The following ASPM variants were observed in gnomAD, a reference collection of about 807,000 sequenced individuals.
ASPM encodes the protein abnormal spindle-like microcephaly-associated protein.
Under a neutral mutation model 366.4 loss-of-function variants are expected in ASPM, and 256 were observed. That is an observed-to-expected ratio of 0.70 (90% confidence interval 0.63 to 0.77). The LOEUF is 0.77. Ranked by LOEUF, ASPM falls within the 30% of genes least tolerant of loss-of-function variation. ASPM has a pLI of 0.00. For synonymous variants in ASPM, 1,414 were observed against 1,342.9 expected (o/e 1.05, Z -1.16); for missense variants, 4,146 against 4,090.4 (o/e 1.01, Z -0.37).
At position 197,128,784 on chromosome 1, in the gene ASPM, T is replaced by G. The variant is rs559465526; in HGVS notation, c.2761-119A>C. 1,794 of 845,362 alleles carry G rather than the reference T, an allele frequency of 2.1e-3. 10 individuals carry two copies. Among genetic ancestry groups the G allele is most frequent in the Middle Eastern group, 8.3e-3 (23 of 2,762 alleles). 52.4% of individuals were successfully genotyped at this position (845,362 alleles called of 1,614,324 possible). ...ATAAAATAATATAAAAAGTTTCATA[T>G]TATACATTAATAATGCAAACTTCAT... is the stretch of plus-strand genomic sequence containing the variant. On this transcript the variant is annotated intron_variant, in intron 9 of 27. Transcript: ENST00000367409.
At chr1:197,097,078 C>T (rs1656995504) in intron 18 of ASPM, among the ~76,000 whole-genome samples, 1 of 151,646 alleles carries the variant, frequency 6.6e-6, no homozygotes, top group East Asian at 2.0e-4. Context: ...AACCCAATTC[C>T]CCTTGGGAAG....
chr1:197,102,682 T>C lies in ASPM; in HGVS notation c.6569A>G (p.Gln2190Arg), dbSNP rs1381563702. The C allele has an allele frequency of 1.2e-6, 2 of 1,612,658 alleles. No individual in the cohort carries two copies. The change falls in exon 18 of 28, where the codon CAG becomes CGG. Residue 2190 changes from glutamine (Q) to arginine (R), a missense_variant. Physicochemically the swap from Gln to Arg is conservative, Grantham distance 43 (BLOSUM62 1). Coordinates refer to ENST00000367409, the MANE Select transcript of ASPM (RefSeq NM_018136.5). ...VRVRRTLRKMQTAATLIQSNY... is the reference protein window; with the variant it reads ...VRVRRTLRKMRTAATLIQSNY... ...TGACTGAATGAGTGTTGCTGCAGTCTGCATCTTTCTAAGAGTCCGTCTAAC... is the reference window on the plus strand; with the variant it reads ...TGACTGAATGAGTGTTGCTGCAGTCCGCATCTTTCTAAGAGTCCGTCTAAC...
intron 17 of ASPM, among the ~76,000 whole-genome samples, chr1:197,111,072 A>C (rs1161603733): frequency 1.3e-5 from 2 of 151,992 alleles, no homozygotes; most frequent in Admixed American, 6.6e-5. Flanking sequence ...TGCAACAAAA[A>C]ACATAATTGA....
Position 197,135,008 on chromosome 1 carries a change from CTATG to C in ASPM, c.2173+84_2173+87del, listed in dbSNP as rs2125110274. The C allele has an allele frequency of 3.2e-6, 3 of 945,024 alleles. No individual in the cohort carries two copies. In the Admixed American group the frequency reaches 8.2e-5, roughly 26 times the overall value. 58.5% of individuals were successfully genotyped at this position (945,024 alleles called of 1,614,324 possible). A position where few individuals can be genotyped will look rare whatever the true frequency, so the allele number is the denominator to read the frequency against. ...GGAATTATGCCATTAATTATAATAACTATGTATAATTAAAGAATGACAAACGATG... is the reference window on the plus strand; with the variant it reads ...GGAATTATGCCATTAATTATAATAACTATAATTAAAGAATGACAAACGATG... On this transcript the variant is annotated intron_variant, in intron 5 of 27. Transcript: ENST00000367409.
rs372750253 is a variant in ASPM at position 197,107,148 on chromosome 1, G to A, written c.4066-1963C>T. Among the ~76,000 whole-genome samples the A allele has an allele frequency of 9.9e-5, 15 of 152,030 alleles. No individual in the cohort carries two copies. In the South Asian group the frequency reaches 1.0e-3, roughly 11 times the overall value. ...TACCAGGGAGATGGTAGAGACTGGG[G>A]AGCTCAGGGAAGCAATCTGATAATG... is the stretch of plus-strand genomic sequence containing the variant. On this transcript the variant is annotated intron_variant, in intron 17 of 27. Coordinates refer to ENST00000367409, the MANE Select transcript of ASPM (RefSeq NM_018136.5).
chr1:197,117,981 C>T lies in ASPM; in HGVS notation c.3873G>A (p.Glu1291=), dbSNP rs1571612019. The change falls in exon 17 of 28, where the codon GAG becomes GAA. Residue 1291 remains glutamate, a splice_region_variant and synonymous_variant. Transcript: ENST00000367409. The part of the protein sequence containing the change: ...KLKTDLKRHQ[E]REKAARIIQL... Reference sequence around the variant, plus strand: ...GAATAATTCTTGCAGCTTTCTCTCTCTCCTAAAATAAAAAAGTCAGCAAAT... The same window carrying T: ...GAATAATTCTTGCAGCTTTCTCTCTTTCCTAAAATAAAAAAGTCAGCAAAT... 6.2e-7 allele frequency: 1 copy of T among 1,612,718 alleles called. No homozygotes were observed. The highest frequency in any genetic ancestry group is 8.5e-7 in the Non-Finnish European group (1 of 1,179,104).
At position 197,101,620 on chromosome 1, in the gene ASPM, A is replaced by G; in HGVS notation, c.7631T>C (p.Met2544Thr). The G allele has an allele frequency of 6.2e-7, 1 of 1,611,450 alleles. No individual in the cohort carries two copies. Residue 2544 changes from methionine (M) to threonine (T), a missense_variant, in exon 18 of 28, where the codon ATG (methionine) becomes ACG (threonine). Coordinates refer to ENST00000367409, the MANE Select transcript of ASPM (RefSeq NM_018136.5). Reference protein sequence around the residue: ...AVVIQAAYKGMKARQLLREKH... With the variant: ...AVVIQAAYKGTKARQLLREKH... ...TTCCCTTAAAAGTTGTCTTGCTTTCATTCCTTTATATGCAGCCTGAATAAC... is the reference window on the plus strand; with the variant it reads ...TTCCCTTAAAAGTTGTCTTGCTTTCGTTCCTTTATATGCAGCCTGAATAAC...
rs112177879 is a variant in ASPM, at chr1:197,143,673, T to C, written c.579A>G (p.Gln193=). The change falls in exon 3 of 28, where the codon CAA becomes CAG. Residue 193 remains glutamine (Q), a synonymous_variant. Coordinates refer to ENST00000367409, the MANE Select transcript of ASPM (RefSeq NM_018136.5). ...QKVDRVRSPL[Q]ACENLAMNEG... is the part of the protein sequence containing the mutation. ...CATTCATAGCCAAGTTTTCACAAGC[T>C]TGTAGTGGGCTCCTAACTCTGTCAA... 6.2e-7 allele frequency: 1 copy of C among 1,613,874 alleles called. No individual in the cohort carries two copies. Among genetic ancestry groups the C allele is most frequent in the South Asian group, 1.1e-5 (1 of 91,084 alleles).
At chr1:197,089,793 T>C in intron 25 of ASPM, 137 bp downstream of exon 25, 1 of 792,156 alleles carries the variant, frequency 1.3e-6, no homozygotes, top group Admixed American at 2.7e-5. Flanking sequence ...TAATAAACAT[T>C]TTTTCATCCT....
chr1:197,129,096 AT>A lies in ASPM; in HGVS notation c.2760+90del, dbSNP rs557045549. 1.4e-5 allele frequency: 20 copies of A among 1,463,324 alleles called. No individual in the cohort carries two copies. The South Asian group carries it at 1.7e-4, about 13-fold the overall frequency. 90.6% of individuals were successfully genotyped at this position (1,463,324 alleles called of 1,614,324 possible). A position where few individuals can be genotyped will look rare whatever the true frequency, so the allele number is the denominator to read the frequency against. On this transcript the variant is annotated intron_variant, in intron 9 of 27. Coordinates refer to ENST00000367409, the MANE Select transcript of ASPM (RefSeq NM_018136.5). The stretch of plus-strand genomic sequence containing the variant: ...CTGAGTATTATTCTTTGGAAAACTA[AT>A]TTTTTTTCTAAAGAGAAAACATACC...
Position 197,146,331 on chromosome 1 carries a change from G to A in ASPM, c.107C>T (p.Pro36Leu), listed in dbSNP as rs749852763. 1.2e-6 allele frequency: 2 copies of A among 1,613,192 alleles called. No homozygotes were observed. The highest frequency in any genetic ancestry group is 1.7e-6 in the Non-Finnish European group (2 of 1,179,962). Reference sequence around the variant, plus strand: ...GAAGTGGCTGAGAGACAGGACCGGCGGGGAAGACGCCTCCTCCTCGGCCGC... The same window carrying A: ...GAAGTGGCTGAGAGACAGGACCGGCAGGGAAGACGCCTCCTCCTCGGCCGC... ...GPAAEEEASS[P>L]PVLSLSHFCR... The change falls in exon 1 of 28, where the codon CCG (proline) becomes CTG (leucine). Residue 36 changes from proline (P) to leucine (L), a missense_variant. Pro to Leu is a moderately conservative substitution (Grantham distance 98). Coordinates refer to ENST00000367409, the MANE Select transcript of ASPM (RefSeq NM_018136.5).
At chr1:197,129,455 C>CT in intron 8 of ASPM, 138 bp from the exon 9 acceptor site, 1 of 889,310 alleles carries the variant, frequency 1.1e-6, no homozygotes. Context: ...CACTATGTGC[C>CT]TTTTTTAGTG....
chr1:197,141,534 T>A (rs549534779), intron 3 of ASPM, among the ~76,000 whole-genome samples: 52 of 152,198 alleles, frequency 3.4e-4, no homozygotes, highest in Non-Finnish European at 6.3e-4. Flanking sequence ...ATTTAAAAAG[T>A]AAATTTCTAA....
rs1226333994 is a variant in ASPM, at chr1:197,102,627, G to A, written c.6624C>T (p.Tyr2208=). Reference sequence around the variant, plus strand: ...TTGTTATTTTCTTTAACTTATTAAAGTATGTTTGCTGTCTGTATCTTCTGT... The same window carrying A: ...TTGTTATTTTCTTTAACTTATTAAAATATGTTTGCTGTCTGTATCTTCTGT... ...SNYRRYRQQT[Y]FNKLKKITKT... is the part of the protein sequence containing the mutation. Residue 2208 remains tyrosine, a synonymous_variant, in exon 18 of 28, where the codon TAC becomes TAT. Coordinates refer to ENST00000367409, the MANE Select transcript of ASPM (RefSeq NM_018136.5). 3.1e-6 allele frequency: 5 copies of A among 1,612,408 alleles called. No homozygotes were observed. The highest frequency in any genetic ancestry group is 4.2e-6 in the Non-Finnish European group (5 of 1,179,202).
intron 18 of ASPM, 67 bp from the exon 19 acceptor site, chr1:197,096,231 T>A: frequency 7.4e-7 from 1 of 1,358,788 alleles, no homozygotes; most frequent in South Asian, 1.2e-5. Flanking sequence ...ATAAGACAAA[T>A]CAGTATAAAG....
At chr1:197,139,714 A>G in intron 4 of ASPM, 53 bp downstream of exon 4, 4 of 1,316,810 alleles carry the variant, frequency 3.0e-6, no homozygotes, top group Non-Finnish European at 4.4e-6. Flanking sequence ...AATGCAATTA[A>G]TGCTTCATTC....
intron 11 of ASPM, 42 bp from the exon 12 acceptor site, chr1:197,124,997 T>TATCA: frequency 6.2e-7 from 1 of 1,607,542 alleles, no homozygotes; most frequent in African/African-American, 1.3e-5. Context: ...TGTACGCACA[T>TATCA]ATCAATATTC....
Position 197,102,538 on chromosome 1 carries a change from TTGTTA to T in ASPM, c.6708_6712del (p.Tyr2236Ter). ...AATGTATATTACAGAATGCCTCAGT[TTGTTA>T]TACCTTTGAAATTGTATGTTTCTTT... On this transcript the variant is annotated stop_gained and frameshift_variant, in exon 18 of 28. Transcript: ENST00000367409. LOFTEE classifies it high-confidence loss of function. 1 of 1,612,568 alleles carries T rather than the reference TTGTTA, an allele frequency of 6.2e-7. No individual in the cohort carries two copies. The highest frequency in any genetic ancestry group is 8.5e-7 in the Non-Finnish European group (1 of 1,179,226).
chr1:197,111,335 C>T (rs1213804780), intron 17 of ASPM, among the ~76,000 whole-genome samples: 2 of 151,984 alleles, frequency 1.3e-5, no homozygotes, highest in South Asian at 2.1e-4. Flanking sequence ...AAAAAATGCC[C>T]ATCACCACTA....
Sources: gnomAD v4.1 joint callset for allele counts (sites outside exome capture counted in the v4.1 genomes callset) on GRCh38, gnomAD v4.1.1 for gene constraint, MANE v1.5 for transcripts, NCBI Gene and HGNC (gene_info 2026-07-23, HGNC 2026-07-21) for gene names.